Variants in PALLD observed in about 807,000 individuals in gnomAD.
PALLD encodes the protein palladin, cytoskeletal associated protein.
PALLD carries 61 observed loss-of-function variants against 123.5 expected under a neutral mutation model. The ratio of observed to expected loss-of-function variants is 0.49; its 90% confidence interval spans 0.40 to 0.61. The LOEUF (loss-of-function observed/expected upper bound fraction) is 0.61, where lower values mean the gene tolerates loss of function less well. Ranked by LOEUF, PALLD falls within the 20% of genes least tolerant of loss-of-function variation. The probability of loss-of-function intolerance (pLI) is 0.00; values close to 1 mark genes in which losing one functional copy is unlikely to be tolerated. For missense variants in PALLD, 1,273 were observed against 1,377.0 expected, an observed-to-expected ratio of 0.92 and a Z score of 1.20; for synonymous variants, 465 against 496.4, an observed-to-expected ratio of 0.94 and a Z score of 0.84.
At chr4:168,913,775 G>A (rs986747972) in intron 15 of PALLD, 152 bp from the exon 16 acceptor site, 51 of 646,348 alleles carry the variant, frequency 7.9e-5, no homozygotes, top group Non-Finnish European at 1.2e-4. Context: ...CACAGGGAAA[G>A]TGTTTTTCTG....
chr4:168,625,502 G>GATAGATATAGATATATATAT, intron 2 of PALLD, among the ~76,000 whole-genome samples: 1 of 114,430 alleles, frequency 8.7e-6, no homozygotes, highest in Non-Finnish European at 1.8e-5. Flanking sequence ...ATATCCAGGA[G>GATAGATATAGATATATATAT]ATATATATAT....
intron 2 of PALLD, among the ~76,000 whole-genome samples, chr4:168,643,800 T>G (rs1777180321): frequency 6.6e-6 from 1 of 152,168 alleles, no homozygotes; most frequent in Non-Finnish European, 1.5e-5. Context: ...TGATCAAAAG[T>G]CTCTTGACAT....
chr4:168,759,228 T>A (rs532755308), intron 10 of PALLD, among the ~76,000 whole-genome samples: 1,685 of 42,384 alleles, frequency 0.04, 303 homozygotes, highest in African/African-American at 0.057. Context: ...TATATATATA[T>A]ATATATATAT....
intron 10 of PALLD, among the ~76,000 whole-genome samples, chr4:168,742,539 C>CT (rs1220827060): frequency 1.3e-5 from 2 of 152,178 alleles, no homozygotes; most frequent in Non-Finnish European, 2.9e-5. Flanking sequence ...ATGCCTGGTG[C>CT]TTTGAGGACC....
chr4:168,785,842 T>C (rs1391292309), intron 10 of PALLD, among the ~76,000 whole-genome samples: 1 of 98,938 alleles, frequency 1.0e-5, no homozygotes, highest in Non-Finnish European at 2.0e-5. Flanking sequence ...TAATAAACTG[T>C]AGAGATATAT....
chr4:168,713,399 G>T (rs1204567598), intron 10 of PALLD, among the ~76,000 whole-genome samples: 7 of 152,208 alleles, frequency 4.6e-5, no homozygotes, highest in Non-Finnish European at 1.5e-5. Flanking sequence ...TGAAACAAGG[G>T]ACCTGCTCTC....
At chr4:168,538,046 A>G (rs903350219) in intron 2 of PALLD, among the ~76,000 whole-genome samples, 9 of 152,234 alleles carry the variant, frequency 5.9e-5, no homozygotes, top group Non-Finnish European at 1.2e-4. Flanking sequence ...GTTTTAACAC[A>G]CAAGAGTGGC....
At chr4:168,616,240 C>T (rs1349894875) in intron 2 of PALLD, among the ~76,000 whole-genome samples, 1 of 152,168 alleles carries the variant, frequency 6.6e-6, no homozygotes, top group African/African-American at 2.4e-5. Context: ...ATTTGAATGG[C>T]TGCATGCATC....
chr4:168,785,854 T>G (rs1302880825), intron 10 of PALLD, among the ~76,000 whole-genome samples: 5 of 124,524 alleles, frequency 4.0e-5, no homozygotes, highest in African/African-American at 1.6e-4. Flanking sequence ...GAGATATATA[T>G]ATATATATAT....
intron 10 of PALLD, among the ~76,000 whole-genome samples, chr4:168,760,888 A>G (rs1378767145): frequency 1.3e-5 from 2 of 152,186 alleles, no homozygotes; most frequent in African/African-American, 4.8e-5. Context: ...TTTGTTATCC[A>G]TCGAGTTCTG....
In PALLD at chr4:168,657,569, A is replaced by G. The variant is rs145889506; in HGVS notation, c.909-10621A>G. ...AGTGAGGGTATAGGAGTCCTTGGTA[A>G]GGTTTTCCTTTTAATGAAAAGCAGC... On this transcript the variant is annotated intron_variant, in intron 2 of 21. Transcript: ENST00000505667. 2.6e-3 allele frequency among the ~76,000 whole-genome samples: 396 copies of G among 152,264 alleles called. 6 individuals carry two copies. The highest frequency in any genetic ancestry group is 9.1e-3 in the African/African-American group (376 of 41,540).
chr4:168,539,353 G>A lies in PALLD; in HGVS notation c.908+26941G>A, dbSNP rs546466736. Among the ~76,000 whole-genome samples the A allele has an allele frequency of 6.6e-5, 10 of 152,184 alleles. 1 individual carries two copies. In the East Asian group the frequency reaches 1.4e-3, roughly 21 times the overall value. ...GCCTGTAATCCCAGCACTTTGGGAC[G>A]CCGAGGCAGGGGAATAACAAGGTCA... On this transcript the variant is annotated intron_variant, in intron 2 of 21. Transcript: ENST00000505667.
intron 10 of PALLD, among the ~76,000 whole-genome samples, chr4:168,883,564 A>C (rs1752921761): frequency 6.6e-6 from 1 of 152,242 alleles, no homozygotes; most frequent in Admixed American, 6.5e-5. Flanking sequence ...ATTGACCTGC[A>C]ATAGCATATC....
rs149398058 is a variant in PALLD at position 168,524,549 on chromosome 4, G to A, written c.908+12137G>A. On this transcript the variant is annotated intron_variant, in intron 2 of 21. Coordinates refer to ENST00000505667, the MANE Select transcript of PALLD (RefSeq NM_001166108.2). ...CAAGTATGCAGTGTGTAATAATCAC[G>A]TCATCATAGAAAATGAAGTATCCCT... Among the ~76,000 whole-genome samples, 151 of 152,118 alleles carry A rather than the reference G, an allele frequency of 9.9e-4. 1 individual carries two copies. The highest frequency in any genetic ancestry group is 5.2e-3 in the South Asian group (25 of 4,814).
rs1438600567 is a variant in PALLD, at chr4:168,703,552, A to C, written c.1502-5476A>C. On this transcript the variant is annotated intron_variant, in intron 8 of 21. Transcript: ENST00000505667. ...AGTGTAAAAGTGTTCCTATTTCTCC[A>C]CATCCTCTCCAGCACCTGTTGTTTC... 4.8e-4 allele frequency among the ~76,000 whole-genome samples: 60 copies of C among 125,554 alleles called. 2 individuals carry two copies. Among genetic ancestry groups the C allele is most frequent in the Non-Finnish European group, 7.7e-4 (48 of 62,508 alleles). The allele number at this position is 125,554 out of a possible 152,430, so 82.4% of individuals were successfully genotyped here.
rs371054286 is a variant in PALLD, at chr4:168,693,815, C to G, written c.1501+2523C>G. On this transcript the variant is annotated intron_variant, in intron 8 of 21. Transcript: ENST00000505667. Reference sequence around the variant, plus strand: ...CTTTCCCTTTTACAGCGTTAAAATGCTGTGCTTCAGGAAATCAGCCGTTGG... The same window carrying G: ...CTTTCCCTTTTACAGCGTTAAAATGGTGTGCTTCAGGAAATCAGCCGTTGG... Among the ~76,000 whole-genome samples the G allele has an allele frequency of 9.2e-5, 14 of 152,282 alleles. No homozygotes were observed. The East Asian group carries it at 1.5e-3, about 17-fold the overall frequency.
chr4:168,526,322 T>C (rs993686052), intron 2 of PALLD, among the ~76,000 whole-genome samples: 1 of 152,228 alleles, frequency 6.6e-6, no homozygotes, highest in Non-Finnish European at 1.5e-5. Flanking sequence ...CAGATTTTGA[T>C]CTTTCAGATT....
chr4:168,764,658 C>G (rs1733417406), intron 10 of PALLD, among the ~76,000 whole-genome samples: 1 of 152,078 alleles, frequency 6.6e-6, no homozygotes, highest in Non-Finnish European at 1.5e-5. Flanking sequence ...TAACAGGTGT[C>G]CATGCGTTAG....
chr4:168,666,216 C>T (rs554724880), intron 2 of PALLD, among the ~76,000 whole-genome samples: 41 of 152,132 alleles, frequency 2.7e-4, no homozygotes, highest in Non-Finnish European at 3.2e-4. Context: ...CCAAAAGAAA[C>T]GAATCCTTCT....
Sources: allele counts gnomAD v4.1 joint callset (sites outside exome capture counted in the v4.1 genomes callset), GRCh38; gene constraint gnomAD v4.1.1; transcripts MANE v1.5; gene names NCBI Gene and HGNC (gene_info 2026-07-23, HGNC 2026-07-21).